The following LTBR variants were observed in gnomAD, a reference collection of about 807,000 sequenced individuals.
The protein encoded by LTBR is lymphotoxin beta receptor, also known as tumor necrosis factor receptor superfamily member 3.
LTBR carries 15 observed loss-of-function variants against 45.4 expected under a neutral mutation model. That is an observed-to-expected ratio of 0.33 (90% CI 0.22 to 0.51). The LOEUF (loss-of-function observed/expected upper bound fraction) is 0.51. Ranked by LOEUF, LTBR falls within the 20% of genes least tolerant of loss-of-function variation. The pLI is 0.97. For synonymous variants in LTBR, 228 were observed against 231.0 expected, an observed-to-expected ratio of 0.99 and a Z score of 0.12; for missense variants, 450 against 565.5, an observed-to-expected ratio of 0.80 and a Z score of 2.07.
chr12:6,385,920 A>AAC, intron 4 of LTBR, 146 bp from the exon 5 acceptor site: 1 of 608,186 alleles, frequency 1.6e-6, no homozygotes. Context: ...AAAAAAAAAA[A>AAC]AAGGCAGCAA....
Position 6,391,164 on chromosome 12 carries a change from C to A in LTBR, c.*227C>A, listed in dbSNP as rs953035772. On this transcript the variant is annotated 3_prime_UTR_variant, in exon 10 of 10. Transcript: ENST00000228918. Reference sequence around the variant, plus strand: ...CAAACCTGAGGCCTCCCGGCAGACCCACCCACCCCCTGGGGCTGCTCAGCC... The same window carrying A: ...CAAACCTGAGGCCTCCCGGCAGACCAACCCACCCCCTGGGGCTGCTCAGCC... The A allele has an allele frequency of 4.7e-6, 2 of 426,770 alleles. No homozygotes were observed. Among genetic ancestry groups the A allele is most frequent in the South Asian group, 7.2e-5 (1 of 13,938 alleles). The allele number at this position is 426,770 out of a possible 1,614,324, so 26.4% of individuals were successfully genotyped here. A position where few individuals can be genotyped will look rare whatever the true frequency, so the allele number is the denominator to read the frequency against.
upstream of LTBR, among the ~76,000 whole-genome samples, chr12:6,381,865 C>A (rs190849958): frequency 4.9e-3 from 748 of 152,222 alleles, 5 homozygotes; most frequent in Middle Eastern, 0.017. Context: ...CCCAGCTACT[C>A]GGGAGGTTGA....
Position 6,377,214 on chromosome 12 carries a change from G to T in LTBR, c.39+1620G>T. The T allele has an allele frequency of 2.6e-6, 4 of 1,532,848 alleles. 1 individual carries two copies. Among genetic ancestry groups the T allele is most frequent in the South Asian group, 2.4e-5 (2 of 82,434 alleles). The allele number at this position is 1,532,848 out of a possible 1,614,324, so 95.0% of individuals were successfully genotyped here. ...TTGCGACTTCTTAAAGTGAAAGCCGGTGTCAACCAGGATTCCAAACCAGGT... is the reference window on the plus strand; with the variant it reads ...TTGCGACTTCTTAAAGTGAAAGCCGTTGTCAACCAGGATTCCAAACCAGGT... On this transcript the variant is annotated intron_variant, in intron 1 of 9. Coordinates refer to the LTBR transcript ENST00000539925.
At position 6,386,369 on chromosome 12, in the gene LTBR, G is replaced by C. The variant is rs1331064914; in HGVS notation, c.592G>C (p.Glu198Gln). Reference sequence around the variant, plus strand: ...CAGGTGTGAGAACCAAGGTCTGGTGGAGGCAGCTCCAGGCACTGCCCAGTC... The same window carrying C: ...CAGGTGTGAGAACCAAGGTCTGGTGCAGGCAGCTCCAGGCACTGCCCAGTC... The part of the protein sequence containing the change: ...HTRCENQGLV[E>Q]AAPGTAQSDT... Residue 198 changes from glutamate to glutamine, a missense_variant, in exon 6 of 10, where the codon GAG becomes CAG. Physicochemically the swap from Glu to Gln is conservative, Grantham distance 29. Coordinates refer to ENST00000228918, the MANE Select transcript of LTBR (RefSeq NM_002342.3). This position sits in a 1 kb window ranked among gnomAD's most constrained non-coding sequence, Gnocchi z 4.1. 1 of 1,613,732 alleles carries C rather than the reference G, an allele frequency of 6.2e-7. No individual in the cohort carries two copies. The highest frequency in any genetic ancestry group is 1.3e-5 in the African/African-American group (1 of 74,834).
chr12:6,377,558 T>C, intron 1 of LTBR: 1 of 880,754 alleles, frequency 1.1e-6, no homozygotes, highest in Non-Finnish European at 1.7e-6. Flanking sequence ...GCTCTCTGGG[T>C]GCTGGGTTAT....
intron 2 of LTBR, 55 bp downstream of exon 2, chr12:6,384,739 C>T (rs952748417): frequency 6.6e-7 from 1 of 1,510,204 alleles, no homozygotes. Flanking sequence ...ACGGGGGCTC[C>T]AGCCCCCTCG....
chr12:6,384,626 C>A lies in LTBR; in HGVS notation c.135C>A (p.Asp45Glu), dbSNP rs1949017914. The A allele has an allele frequency of 1.2e-6, 2 of 1,614,098 alleles. No homozygotes were observed. The highest frequency in any genetic ancestry group is 2.7e-5 in the African/African-American group (2 of 74,938). ...PYASENQTCR[D>E]QEKEYYEPQH... ...CGTCGGAGAACCAGACCTGCAGGGA[C>A]CAGGAAAAGGAATACTATGAGCCCC... is the stretch of plus-strand genomic sequence containing the variant. The change falls in exon 2 of 10, where the codon GAC (aspartate) becomes GAA (glutamate). Residue 45 changes from aspartate to glutamate, a missense_variant. Transcript: ENST00000228918.
intron 1 of LTBR, 62 bp downstream of exon 1, chr12:6,384,516 C>G: frequency 4.4e-6 from 7 of 1,602,358 alleles, no homozygotes; most frequent in Non-Finnish European, 6.0e-6. Flanking sequence ...GCAGCCGTCG[C>G]TCCATTCCCT....
chr12:6,386,515 A>G lies in LTBR; in HGVS notation c.667+71A>G. 2 of 1,200,922 alleles carry G rather than the reference A, an allele frequency of 1.7e-6. No individual in the cohort carries two copies. The highest frequency in any genetic ancestry group is 2.6e-5 in the South Asian group (2 of 76,214). 74.4% of individuals were successfully genotyped at this position (1,200,922 alleles called of 1,614,324 possible). ...TGCCTTAATGCTCCACATCTTAAAA[A>G]AAATGGGGAAAAGATGAACACTTCC... is the stretch of plus-strand genomic sequence containing the variant. On this transcript the variant is annotated intron_variant, in intron 6 of 9. Transcript: ENST00000228918. The surrounding 1 kb of genome is among the most constrained non-coding windows in gnomAD (Gnocchi z 4.1).
Position 6,384,294 on chromosome 12 carries a change from G to T in LTBR, c.-65G>T. On this transcript the variant is annotated 5_prime_UTR_variant, in exon 1 of 10. Transcript: ENST00000228918. ...GGCAGCCGCCGCCACCGCTGCCCAG[G>T]ACGTCGGGCCTCCTGCCTTCCTCCC... The T allele has an allele frequency of 7.0e-7, 1 of 1,430,244 alleles. No individual in the cohort carries two copies. The highest frequency in any genetic ancestry group is 1.5e-5 in the South Asian group (1 of 67,258). 88.6% of individuals were successfully genotyped at this position (1,430,244 alleles called of 1,614,324 possible).
upstream of LTBR, among the ~76,000 whole-genome samples, chr12:6,381,682 G>A (rs765801036): frequency 3.3e-5 from 5 of 152,332 alleles, no homozygotes; most frequent in African/African-American, 1.2e-4. Flanking sequence ...GTAGTGCAAG[G>A]AACATTCTGG....
intron 1 of LTBR, chr12:6,375,813 G>A (rs1420425930): frequency 5.8e-6 from 8 of 1,369,170 alleles, no homozygotes; most frequent in South Asian, 1.7e-5. Context: ...CCACAGCTAG[G>A]AGGGCAACAC....
chr12:6,386,137 A>G lies in LTBR; in HGVS notation c.544A>G (p.Ser182Gly). The change falls in exon 5 of 10, where the codon AGC becomes GGC. Residue 182 changes from serine to glycine, a missense_variant. Coordinates refer to ENST00000228918, the MANE Select transcript of LTBR (RefSeq NM_002342.3). This position sits in a 1 kb window ranked among gnomAD's most constrained non-coding sequence, Gnocchi z 4.1. ...AGHFQNTSSP[S>G]ARCQPHTRCE... Reference sequence around the variant, plus strand: ...GCACTTCCAGAATACCTCCTCCCCCAGCGCCCGCTGCCAGCCCCACACCAG... The same window carrying G: ...GCACTTCCAGAATACCTCCTCCCCCGGCGCCCGCTGCCAGCCCCACACCAG... 6.2e-7 allele frequency: 1 copy of G among 1,613,538 alleles called. No homozygotes were observed. The highest frequency in any genetic ancestry group is 1.3e-5 in the African/African-American group (1 of 74,940).
At chr12:6,379,098 A>G (rs1056160467) in intron 1 of LTBR, among the ~76,000 whole-genome samples, 1 of 152,002 alleles carries the variant, frequency 6.6e-6, no homozygotes, top group Non-Finnish European at 1.5e-5. Flanking sequence ...ACTATTATTT[A>G]TTATTATTAT....
chr12:6,391,033 G>T lies in LTBR; in HGVS notation c.*96G>T. ...TGGGATTCACAGGGGCCTGAGTAGG[G>T]CCCGGGGAAGCAGAGCCCTAAGGGA... On this transcript the variant is annotated 3_prime_UTR_variant, in exon 10 of 10. Transcript: ENST00000228918. 7.7e-7 allele frequency: 1 copy of T among 1,291,656 alleles called. No homozygotes were observed. The highest frequency in any genetic ancestry group is 1.0e-6 in the Non-Finnish European group (1 of 967,080). 80.0% of individuals were successfully genotyped at this position (1,291,656 alleles called of 1,614,324 possible). A position where few individuals can be genotyped will look rare whatever the true frequency, so the allele number is the denominator to read the frequency against.
chr12:6,375,606 G>A (rs72645138), intron 1 of LTBR: 595 of 1,320,854 alleles, frequency 4.5e-4, no homozygotes, highest in Non-Finnish European at 5.5e-4. Context: ...TGAGCAGGGC[G>A]GGGGGAGGGG....
rs998648323 is a variant in LTBR, at chr12:6,384,302, G to A, written c.-57G>A. On this transcript the variant is annotated 5_prime_UTR_variant, in exon 1 of 10. Transcript: ENST00000228918. ...CCGCCACCGCTGCCCAGGACGTCGG[G>A]CCTCCTGCCTTCCTCCCAGGCCCCC... The A allele has an allele frequency of 2.1e-6, 3 of 1,434,554 alleles. No individual in the cohort carries two copies. The highest frequency in any genetic ancestry group is 1.8e-6 in the Non-Finnish European group (2 of 1,099,554). The allele number at this position is 1,434,554 out of a possible 1,614,324, so 88.9% of individuals were successfully genotyped here. A position where few individuals can be genotyped will look rare whatever the true frequency, so the allele number is the denominator to read the frequency against.
At chr12:6,377,390 A>G in intron 1 of LTBR, 1 of 827,260 alleles carries the variant, frequency 1.2e-6, no homozygotes. Context: ...AGCTATAAAC[A>G]GAATTCAGAA....
rs1355838961 is a variant in LTBR at position 6,377,652 on chromosome 12, G to C, written c.39+2058G>C. On this transcript the variant is annotated intron_variant, in intron 1 of 9. Coordinates refer to the LTBR transcript ENST00000539925. ...ACCCCTAGAAACTCCAGTCTCCCTT[G>C]AGCCAGGTCCTTACATTGGGCATGG... The C allele has an allele frequency of 3.1e-6, 4 of 1,306,910 alleles. No individual in the cohort carries two copies. In the Admixed American group the frequency reaches 9.1e-5, roughly 30 times the overall value. 81.0% of individuals were successfully genotyped at this position (1,306,910 alleles called of 1,614,324 possible).
Sources: gnomAD v4.1 joint callset for allele counts (sites outside exome capture counted in the v4.1 genomes callset) on GRCh38, gnomAD v4.1.1 for gene constraint, Gnocchi (gnomAD v3.1) non-coding constraint, MANE v1.5 for transcripts, NCBI Gene and HGNC (gene_info 2026-07-23, HGNC 2026-07-21) for gene names.